Variants in FGF13 observed in about 807,000 individuals in gnomAD.
The protein encoded by FGF13 is fibroblast growth factor 13.
Under a neutral mutation model 19.5 loss-of-function variants are expected in FGF13, and 2 were observed. The ratio of observed to expected loss-of-function variants is 0.10; its 90% CI spans 0.04 to 0.32. FGF13 has a LOEUF of 0.32. Among genes scored for constraint, FGF13 ranks in the 10% least tolerant of loss-of-function variants. The pLI, the probability that FGF13 is intolerant of heterozygous loss-of-function variation, is 1.00. For missense variants in FGF13, 113 were observed against 192.7 expected (o/e 0.59, Z 2.45); for synonymous variants, 72 against 76.9 (o/e 0.94, Z 0.33).
intron 3 of FGF13, among the ~76,000 whole-genome samples, chrX:138,797,244 A>T (rs2090786010): frequency 9.0e-6 from 1 of 111,522 alleles, no homozygotes; most frequent in African/African-American, 3.3e-5. Flanking sequence ...AAGGTGTAAG[A>T]AAGGAATCCA....
At chrX:138,644,819 G>A (rs1569352851) in intron 3 of FGF13, among the ~76,000 whole-genome samples, 2 of 112,166 alleles carry the variant, frequency 1.8e-5, no homozygotes. Context: ...ACAGGGCAAG[G>A]TGCAAAGGCC....
chrX:138,906,792 T>A (rs2091560901), intron 1 of FGF13, among the ~76,000 whole-genome samples: 1 of 110,984 alleles, frequency 9.0e-6, no homozygotes, highest in African/African-American at 3.3e-5. Flanking sequence ...CATGGAGTCC[T>A]ATATCTCCTT....
At chrX:138,773,080 C>T (rs894693917) in intron 3 of FGF13, among the ~76,000 whole-genome samples, 12 of 109,528 alleles carry the variant, frequency 1.1e-4, no homozygotes, top group Admixed American at 2.9e-4. Context: ...TTTAAAAATG[C>T]CCTCATTGAG....
At chrX:139,184,139 A>G (rs771198496) in intron 1 of FGF13, among the ~76,000 whole-genome samples, 1 of 112,351 alleles carries the variant, frequency 8.9e-6, no homozygotes, top group East Asian at 2.8e-4. Context: ...AGGTATATCC[A>G]TGGGTTCATA....
intron 3 of FGF13, among the ~76,000 whole-genome samples, chrX:138,668,852 T>C (rs1359522922): frequency 9.0e-6 from 1 of 111,039 alleles, no homozygotes; most frequent in Non-Finnish European, 1.9e-5. Flanking sequence ...GGTCAAGTGC[T>C]GTAGAAAGGA....
chrX:138,815,735 C>A (rs1164382281), intron 3 of FGF13, among the ~76,000 whole-genome samples: 1 of 108,188 alleles, frequency 9.2e-6, no homozygotes, highest in African/African-American at 3.4e-5. Flanking sequence ...CTAACCTGCA[C>A]AATGTGCACA....
intron 3 of FGF13, among the ~76,000 whole-genome samples, chrX:138,813,735 C>T (rs371094565): frequency 4.2e-4 from 47 of 112,048 alleles, no homozygotes; most frequent in African/African-American, 1.5e-3. Flanking sequence ...AGAATTTTCT[C>T]CACTTGTTGA....
chrX:138,760,091 C>T (rs1394862262), intron 3 of FGF13, among the ~76,000 whole-genome samples: 1 of 111,296 alleles, frequency 9.0e-6, no homozygotes, highest in Admixed American at 9.6e-5. Flanking sequence ...GCTTTCTGAA[C>T]TCCTGTCACC....
intron 3 of FGF13, among the ~76,000 whole-genome samples, chrX:138,811,513 G>C (rs776148159): frequency 3.6e-5 from 4 of 110,674 alleles, no homozygotes; most frequent in South Asian, 3.9e-4. Flanking sequence ...GTTAATGGGT[G>C]CAGCACACCA....
intron 1 of FGF13, among the ~76,000 whole-genome samples, chrX:138,887,326 G>C (rs751500165): frequency 1.8e-5 from 2 of 111,682 alleles, no homozygotes; most frequent in Admixed American, 1.9e-4. Flanking sequence ...TTCTGTTTTT[G>C]TTTCAATTTT....
intron 1 of FGF13, among the ~76,000 whole-genome samples, chrX:138,885,220 T>C (rs2124186441): frequency 9.0e-6 from 1 of 111,313 alleles, no homozygotes; most frequent in Non-Finnish European, 1.9e-5. Flanking sequence ...AGCAAGGCTG[T>C]GGTCTCACCT....
intron 1 of FGF13, among the ~76,000 whole-genome samples, chrX:138,914,814 A>G (rs1471878499): frequency 3.6e-5 from 4 of 111,660 alleles, no homozygotes; most frequent in African/African-American, 1.3e-4. Flanking sequence ...AGTTAGTTTT[A>G]GTTTATCTTA....
intron 1 of FGF13, among the ~76,000 whole-genome samples, chrX:138,738,131 T>C (rs896319021): frequency 8.0e-5 from 9 of 111,949 alleles, no homozygotes; most frequent in African/African-American, 2.6e-4. Context: ...GCTGAGGATA[T>C]CCTGTGAAGT....
intron 3 of FGF13, among the ~76,000 whole-genome samples, chrX:138,639,206 G>A (rs1188606624): frequency 2.7e-5 from 3 of 111,618 alleles, no homozygotes; most frequent in Non-Finnish European, 5.6e-5. Context: ...AATAGAAATT[G>A]GATTTGTCCC....
At chrX:138,919,674 A>C (rs151091481) in intron 1 of FGF13, among the ~76,000 whole-genome samples, 2,383 of 111,040 alleles carry the variant, frequency 0.021, 57 homozygotes, top group African/African-American at 0.075. Flanking sequence ...AATTGTAGAT[A>C]TGTAGGACAA....
chrX:138,959,051 T>G (rs1457613675), intron 1 of FGF13, among the ~76,000 whole-genome samples: 1 of 111,989 alleles, frequency 8.9e-6, no homozygotes, highest in Non-Finnish European at 1.9e-5. Context: ...AGTAATTTCT[T>G]GCCTTCTGCT....
intron 3 of FGF13, among the ~76,000 whole-genome samples, chrX:138,833,907 T>C (rs997866408): frequency 1.8e-5 from 2 of 112,126 alleles, no homozygotes; most frequent in Non-Finnish European, 3.8e-5. Flanking sequence ...ATGCATCCAT[T>C]GAGATAATCA....
chrX:139,105,304 A>G (rs1435699518), intron 1 of FGF13, among the ~76,000 whole-genome samples: 1 of 111,512 alleles, frequency 9.0e-6, no homozygotes, highest in African/African-American at 3.3e-5. Flanking sequence ...GCTGAGTGGG[A>G]ACCTAGGCCT....
chrX:139,100,612 G>A (rs1021011297), intron 1 of FGF13, among the ~76,000 whole-genome samples: 3 of 111,531 alleles, frequency 2.7e-5, no homozygotes, highest in African/African-American at 6.5e-5. Context: ...CAACAAAGAC[G>A]ATAAAAAGCG....
Sources: allele counts gnomAD v4.1 joint callset (sites outside exome capture counted in the v4.1 genomes callset), GRCh38; gene constraint gnomAD v4.1.1; transcripts MANE v1.5; gene names NCBI Gene and HGNC (gene_info 2026-07-23, HGNC 2026-07-21).